The following PDE12 variants were observed in gnomAD, a reference collection of about 807,000 sequenced individuals.
The protein encoded by PDE12 is phosphodiesterase 12, also known as 2',5'-phosphodiesterase 12.
A neutral mutation model predicts 45.4 loss-of-function variants in PDE12; 26 were observed. The ratio of observed to expected loss-of-function variants is 0.57; its 90% confidence interval spans 0.42 to 0.79. The LOEUF (loss-of-function observed/expected upper bound fraction) is 0.79. PDE12 is among the 30% of genes least tolerant of loss of function. PDE12 has a pLI of 0.00. For missense variants in PDE12, 668 were observed against 790.0 expected (o/e 0.85, Z 1.85); for synonymous variants, 283 against 323.9 (o/e 0.87, Z 1.36).
chr3:57,644,979 G>C, the PDE12 span, among the ~76,000 whole-genome samples: 1 of 151,750 alleles, frequency 6.6e-6, no homozygotes. Flanking sequence ...AGTGGAGATC[G>C]TACATGCAGA....
At chr3:57,597,130 G>A in the PDE12 span, 6 of 1,614,014 alleles carry the variant, frequency 3.7e-6, no homozygotes, top group African/African-American at 2.7e-5. Context: ...GGAGGAGATA[G>A]TGAGGCCCAT....
At chr3:57,627,758 AAGCATC>A in the PDE12 span, 1 of 154,710 alleles carries the variant, frequency 6.5e-6, no homozygotes, top group Non-Finnish European at 1.4e-5. Flanking sequence ...GGCACTACAT[AAGCATC>A]AATTCCTTCT....
chr3:57,641,582 A>T, the PDE12 span: 1 of 1,305,442 alleles, frequency 7.7e-7, no homozygotes, highest in East Asian at 2.5e-5. Flanking sequence ...AAAAATAATC[A>T]AGGATGAAAA....
the PDE12 span, among the ~76,000 whole-genome samples, chr3:57,648,804 G>C: frequency 1.3e-5 from 2 of 152,084 alleles, no homozygotes; most frequent in African/African-American, 4.8e-5. Context: ...TGAGATAATT[G>C]GCAAGCCACA....
the PDE12 span, among the ~76,000 whole-genome samples, chr3:57,592,837 C>T: frequency 3.3e-5 from 5 of 151,998 alleles, no homozygotes; most frequent in Non-Finnish European, 7.4e-5. Flanking sequence ...TTGTAATAAG[C>T]TAAATCAAAA....
the PDE12 span, among the ~76,000 whole-genome samples, chr3:57,614,532 T>TTTTGTTTTG: frequency 8.1e-6 from 1 of 123,866 alleles, no homozygotes. Context: ...CGTTTTTTTT[T>TTTTGTTTTG]TTTTGTTTTT....
rs2069743393 is a variant in PDE12 at position 57,563,067 on chromosome 3, T to A, written c.*3063T>A. Reference sequence around the variant, plus strand: ...CCGTGAAATAAAGGCAGAGGTTCCCTGCAAACTAGTTTGGTTGGGATAAAT... The same window carrying A: ...CCGTGAAATAAAGGCAGAGGTTCCCAGCAAACTAGTTTGGTTGGGATAAAT... On this transcript the variant is annotated 3_prime_UTR_variant, in exon 3 of 3. Coordinates refer to ENST00000311180, the MANE Select transcript of PDE12 (RefSeq NM_177966.7). 1 of 152,224 alleles carries A rather than the reference T, an allele frequency of 6.6e-6. No homozygotes were observed. Among genetic ancestry groups the A allele is most frequent in the African/African-American group, 2.4e-5 (1 of 41,458 alleles). 9.4% of individuals were successfully genotyped at this position (152,224 alleles called of 1,614,324 possible).
At chr3:57,603,858 G>A in the PDE12 span, among the ~76,000 whole-genome samples, 3 of 151,898 alleles carry the variant, frequency 2.0e-5, no homozygotes, top group Non-Finnish European at 4.4e-5. Flanking sequence ...CTGACCTCAG[G>A]TGATCCACCC....
At chr3:57,639,855 T>C in the PDE12 span, among the ~76,000 whole-genome samples, 35 of 152,214 alleles carry the variant, frequency 2.3e-4, no homozygotes, top group Admixed American at 2.0e-4. Context: ...TTTAAAATGT[T>C]ATCCTTGATT....
chr3:57,556,970 G>C lies in PDE12; in HGVS notation c.591G>C (p.Trp197Cys). The C allele has an allele frequency of 6.2e-7, 1 of 1,614,198 alleles. No homozygotes were observed. Among genetic ancestry groups the C allele is most frequent in the Non-Finnish European group, 8.5e-7 (1 of 1,180,030 alleles). ...ATCCCGCCAGCTCCCTTTTCCGCTGGTATAAGGAAGCCAAGCCCGGAGCGG... is the reference window on the plus strand; with the variant it reads ...ATCCCGCCAGCTCCCTTTTCCGCTGCTATAAGGAAGCCAAGCCCGGAGCGG... ...FGDPASSLFR[W>C]YKEAKPGAAE... The change falls in exon 1 of 3, where the codon TGG (tryptophan) becomes TGC (cysteine). Residue 197 changes from tryptophan (W) to cysteine (C), a missense_variant. Physicochemically the swap from Trp to Cys is radical, Grantham distance 215 (BLOSUM62 -2). Transcript: ENST00000311180. The surrounding 1 kb of genome is among the most constrained non-coding windows in gnomAD (Gnocchi z 5.0).
chr3:57,652,221 G>A, the PDE12 span, among the ~76,000 whole-genome samples: 3 of 152,116 alleles, frequency 2.0e-5, no homozygotes, highest in Non-Finnish European at 2.9e-5. Context: ...TGAGTCATAC[G>A]GGACACTGTG....
chr3:57,636,952 A>C, the PDE12 span, among the ~76,000 whole-genome samples: 2 of 152,036 alleles, frequency 1.3e-5, no homozygotes, highest in South Asian at 4.1e-4. Context: ...AAAAAAAAAA[A>C]AAAAAAAGTT....
Position 57,557,346 on chromosome 3 carries a change from C to T in PDE12, c.967C>T (p.Pro323Ser), listed in dbSNP as rs1317419780. Residue 323 changes from proline to serine, a missense_variant, in exon 1 of 3, where the codon CCC becomes TCC. By Grantham distance (74) the Pro-to-Ser change is moderately conservative. Around this residue, in one of 3 missense-constraint regions of PDE12, gnomAD observed 580 missense variants for 662.9 expected, o/e 0.87. Coordinates refer to ENST00000311180, the MANE Select transcript of PDE12 (RefSeq NM_177966.7). Reference sequence around the variant, plus strand: ...AACGGTTCTGTACCCATACTGTGCCCCCTACGCCCTGGAGCTCGACTACCG... The same window carrying T: ...AACGGTTCTGTACCCATACTGTGCCTCCTACGCCCTGGAGCTCGACTACCG... ...SRTVLYPYCA[P>S]YALELDYRQN... The T allele has an allele frequency of 1.9e-6, 3 of 1,613,824 alleles. No individual in the cohort carries two copies. The East Asian group carries it at 6.7e-5, about 36-fold the overall frequency.
the PDE12 span, chr3:57,583,982 A>G: frequency 6.2e-7 from 1 of 1,612,226 alleles, no homozygotes; most frequent in Non-Finnish European, 8.5e-7. Context: ...AAATGTTCTT[A>G]TATTCTACTG....
the PDE12 span, among the ~76,000 whole-genome samples, chr3:57,640,817 C>T: frequency 1.3e-5 from 2 of 152,074 alleles, no homozygotes; most frequent in African/African-American, 4.8e-5. Flanking sequence ...CTCATATCTT[C>T]TCATACGCAA....
At chr3:57,613,168 A>G in the PDE12 span, among the ~76,000 whole-genome samples, 1 of 149,932 alleles carries the variant, frequency 6.7e-6, no homozygotes, top group Non-Finnish European at 1.5e-5. Flanking sequence ...TTTAGTAGAG[A>G]TGGGGTTTCA....
the PDE12 span, among the ~76,000 whole-genome samples, chr3:57,602,163 T>G: frequency 1.3e-5 from 2 of 152,196 alleles, no homozygotes; most frequent in Non-Finnish European, 2.9e-5. Context: ...TTGTACTTAA[T>G]GTGCATTATC....
chr3:57,629,094 T>G, the PDE12 span, among the ~76,000 whole-genome samples: 2 of 152,214 alleles, frequency 1.3e-5, no homozygotes, highest in Admixed American at 1.3e-4. Flanking sequence ...AATAATTGTC[T>G]CATATTTGGA....
the PDE12 span, among the ~76,000 whole-genome samples, chr3:57,608,040 C>T: frequency 3.5e-4 from 53 of 152,246 alleles, no homozygotes; most frequent in Admixed American, 2.4e-3. Context: ...GCTGAGCTCT[C>T]GGCAGAAACT....
Sources: gnomAD v4.1 joint callset for allele counts (sites outside exome capture counted in the v4.1 genomes callset) on GRCh38, gnomAD v4.1.1 for gene constraint, gnomAD v4.1.1 regional missense constraint, Gnocchi (gnomAD v3.1) non-coding constraint, MANE v1.5 for transcripts, NCBI Gene and HGNC (gene_info 2026-07-23, HGNC 2026-07-21) for gene names.